ACVR1: variants seen among roughly 807,000 people sequenced by gnomAD.
ACVR1 encodes the protein activin receptor type-1.
ACVR1 carries 38 observed loss-of-function variants against 57.1 expected under a neutral mutation model. That is an observed-to-expected ratio of 0.67 (90% confidence interval 0.51 to 0.87). The LOEUF (loss-of-function observed/expected upper bound fraction) is 0.87, where lower values mean the gene tolerates loss of function less well. Ranked by LOEUF, ACVR1 falls within the 40% of genes least tolerant of loss-of-function variation. The pLI, the probability that ACVR1 is intolerant of heterozygous loss-of-function variation, is 0.00. For synonymous variants in ACVR1, 212 were observed against 228.1 expected (o/e 0.93, Z 0.63); for missense variants, 463 against 638.2 (o/e 0.73, Z 2.96).
At chr2:157,770,622 T>TAAGCAATGGAGG in intron 6 of ACVR1, 108 bp from the exon 7 acceptor site, 1 of 1,123,900 alleles carries the variant, frequency 8.9e-7, no homozygotes, top group Non-Finnish European at 1.3e-6. Flanking sequence ...ATCCCTCCAT[T>TAAGCAATGGAGG]GCTTACTGGA....
At chr2:157,866,203 T>C (rs1363903214) in intron 1 of ACVR1, among the ~76,000 whole-genome samples, 3 of 152,186 alleles carry the variant, frequency 2.0e-5, no homozygotes, top group African/African-American at 7.2e-5. Context: ...CAGAGTTGTA[T>C]GGCCCCAGAA....
At chr2:157,833,973 T>C (rs1185681497) in intron 1 of ACVR1, among the ~76,000 whole-genome samples, 2 of 152,220 alleles carry the variant, frequency 1.3e-5, no homozygotes, top group East Asian at 1.9e-4. Context: ...CTGAGTCTCT[T>C]AGAACTTCTA....
intron 4 of ACVR1, 82 bp downstream of exon 4, chr2:157,780,255 C>T: frequency 1.3e-6 from 2 of 1,590,502 alleles, no homozygotes; most frequent in Non-Finnish European, 1.7e-6. Context: ...TGCCTCATAG[C>T]TACTTAGATC....
At chr2:157,766,247 CTT>C (rs1219526667) in intron 7 of ACVR1, 51 bp from the exon 8 acceptor site, 1 of 1,584,222 alleles carries the variant, frequency 6.3e-7, no homozygotes, top group Non-Finnish European at 8.7e-7. Flanking sequence ...CACATTATAA[CTT>C]AAAGTATTTA....
Position 157,765,908 on chromosome 2 carries a change from T to G in ACVR1, c.1066+13A>C. The G allele has an allele frequency of 6.2e-7, 1 of 1,613,858 alleles. No individual in the cohort carries two copies. The highest frequency in any genetic ancestry group is 1.1e-5 in the South Asian group (1 of 91,050). On this transcript the variant is annotated intron_variant, in intron 8 of 10. Coordinates refer to ENST00000434821, the MANE Select transcript of ACVR1 (RefSeq NM_001111067.4). ...TAAAACTGGTGAGGAAAAAAATATT[T>G]TTAGAAATTTACCCAAATCTGCTAT...
intron 2 of ACVR1, among the ~76,000 whole-genome samples, chr2:157,803,815 T>C (rs1057442882): frequency 2.0e-5 from 3 of 152,130 alleles, no homozygotes; most frequent in African/African-American, 7.2e-5. Flanking sequence ...CGTGTGTATG[T>C]AGGCTACATC....
chr2:157,806,719 A>C (rs1687561618), intron 2 of ACVR1: 1 of 152,246 alleles, frequency 6.6e-6, no homozygotes, highest in African/African-American at 2.4e-5. Context: ...AAGAAAGGTT[A>C]AACCGAAGCT....
intron 8 of ACVR1, among the ~76,000 whole-genome samples, chr2:157,762,395 T>C (rs1402541872): frequency 6.6e-6 from 1 of 152,192 alleles, no homozygotes; most frequent in Non-Finnish European, 1.5e-5. Flanking sequence ...ACATAGTATA[T>C]ATAGAATCTG....
intron 2 of ACVR1, among the ~76,000 whole-genome samples, chr2:157,802,794 A>G (rs1687374801): frequency 6.6e-6 from 1 of 152,236 alleles, no homozygotes; most frequent in Non-Finnish European, 1.5e-5. Flanking sequence ...GCTTTTGAAC[A>G]TCTGTCTCTG....
intron 9 of ACVR1, among the ~76,000 whole-genome samples, chr2:157,750,987 G>T (rs1046980923): frequency 1.3e-5 from 2 of 151,962 alleles, no homozygotes; most frequent in African/African-American, 4.8e-5. Flanking sequence ...ACAGAGCAAC[G>T]TGTGGAGACT....
chr2:157,795,311 A>G (rs946042257), intron 3 of ACVR1, among the ~76,000 whole-genome samples: 6 of 151,816 alleles, frequency 4.0e-5, no homozygotes, highest in Admixed American at 1.3e-4. Flanking sequence ...TGTATTATAA[A>G]TAGGGTTTCT....
At chr2:157,768,066 A>G (rs1158787830) in intron 7 of ACVR1, among the ~76,000 whole-genome samples, 1 of 152,216 alleles carries the variant, frequency 6.6e-6, no homozygotes, top group African/African-American at 2.4e-5. Context: ...ATTTCTACTC[A>G]GAGAAAAAAT....
intron 3 of ACVR1, among the ~76,000 whole-genome samples, chr2:157,795,367 C>A (rs1388489935): frequency 7.3e-6 from 1 of 137,660 alleles, no homozygotes; most frequent in African/African-American, 2.7e-5. Context: ...AAACAAAATG[C>A]CTTCCATAGA....
chr2:157,757,045 A>ATATATATATAT lies in ACVR1; in HGVS notation c.1264+3834_1264+3835insATATATATATA, dbSNP rs1559039330. Among the ~76,000 whole-genome samples the ATATATATATAT allele has an allele frequency of 1.4e-4, 14 of 98,164 alleles. No individual in the cohort carries two copies. The South Asian group carries it at 2.5e-3, about 17-fold the overall frequency. The allele number at this position is 98,164 out of a possible 152,430, so 64.4% of individuals were successfully genotyped here. On this transcript the variant is annotated intron_variant, in intron 9 of 10. Coordinates refer to ENST00000434821, the MANE Select transcript of ACVR1 (RefSeq NM_001111067.4). ...TGATATATATATATATATATATATA[A>ATATATATATAT]AATAGAATACTACTAACCCATAAAA...
chr2:157,862,869 CAAAA>C lies in ACVR1; in HGVS notation c.-183+12923_-183+12926del, dbSNP rs1158581005. Among the ~76,000 whole-genome samples the C allele has an allele frequency of 1.4e-5, 2 of 141,616 alleles. 1 individual carries two copies. Among genetic ancestry groups the C allele is most frequent in the African/African-American group, 5.8e-5 (2 of 34,248 alleles). 92.9% of individuals were successfully genotyped at this position (141,616 alleles called of 152,430 possible). On this transcript the variant is annotated intron_variant, in intron 1 of 10. Transcript: ENST00000434821. ...TGGGCGACAGAGCGAGACTCCGTCT[CAAAA>C]AAAAAAAAAAAGAAAAGGTAACTAC... is the stretch of plus-strand genomic sequence containing the variant.
intron 9 of ACVR1, among the ~76,000 whole-genome samples, chr2:157,750,207 A>G (rs1310960777): frequency 6.6e-6 from 1 of 152,214 alleles, no homozygotes; most frequent in Non-Finnish European, 1.5e-5. Flanking sequence ...CACTACTGTC[A>G]TCATCAATGC....
intron 3 of ACVR1, among the ~76,000 whole-genome samples, chr2:157,789,579 T>A (rs146070600): frequency 4.9e-4 from 74 of 152,332 alleles, no homozygotes; most frequent in Admixed American, 9.1e-4. Context: ...CAGAGCCTGC[T>A]TCCATCCACA....
chr2:157,821,449 C>T (rs1224522116), intron 1 of ACVR1, among the ~76,000 whole-genome samples: 2 of 151,822 alleles, frequency 1.3e-5, no homozygotes, highest in Non-Finnish European at 2.9e-5. Context: ...CGCTTGAACC[C>T]GGAAGGTGGA....
intron 1 of ACVR1, among the ~76,000 whole-genome samples, chr2:157,839,142 G>A (rs1688889581): frequency 6.6e-6 from 1 of 152,136 alleles, no homozygotes; most frequent in Non-Finnish European, 1.5e-5. Context: ...TGAGCCACAG[G>A]CTCCTGCTCA....
Sources: gnomAD v4.1 joint callset for allele counts (sites outside exome capture counted in the v4.1 genomes callset) on GRCh38, gnomAD v4.1.1 for gene constraint, MANE v1.5 for transcripts, NCBI Gene and HGNC (gene_info 2026-07-23, HGNC 2026-07-21) for gene names.